RHOBTB1: variants seen among roughly 807,000 people sequenced by gnomAD.
RHOBTB1 encodes the protein rho-related BTB domain-containing protein 1.
RHOBTB1 carries 40 observed loss-of-function variants against 71.6 expected under a neutral mutation model. The observed-to-expected ratio is 0.56, with a 90% CI of 0.43 to 0.73. RHOBTB1 has a LOEUF of 0.73. Ranked by LOEUF, RHOBTB1 falls within the 30% of genes least tolerant of loss-of-function variation. RHOBTB1 has a pLI of 0.00. For synonymous variants in RHOBTB1, 319 were observed against 334.9 expected (o/e 0.95, Z 0.52); for missense variants, 797 against 894.0 (o/e 0.89, Z 1.38).
chr10:60,956,187 C>T (rs536051017), intron 2 of RHOBTB1, among the ~76,000 whole-genome samples: 2 of 152,258 alleles, frequency 1.3e-5, no homozygotes, highest in African/African-American at 4.8e-5. Context: ...GGATTGAATC[C>T]TGTAGGCAAT....
downstream of RHOBTB1, among the ~76,000 whole-genome samples, chr10:60,864,495 C>T (rs2080628799): frequency 1.3e-5 from 2 of 152,226 alleles, no homozygotes; most frequent in South Asian, 4.1e-4. Flanking sequence ...CTTAACATGC[C>T]TGAGACCTTG....
At chr10:60,891,254 A>C (rs1455104247) in intron 5 of RHOBTB1, among the ~76,000 whole-genome samples, 5 of 151,788 alleles carry the variant, frequency 3.3e-5, no homozygotes, top group Non-Finnish European at 4.4e-5. Context: ...GAGCATAAAA[A>C]GTTGTGTCAA....
chr10:60,876,851 A>AT (rs913554131), intron 8 of RHOBTB1, among the ~76,000 whole-genome samples: 6 of 152,134 alleles, frequency 3.9e-5, no homozygotes, highest in African/African-American at 1.4e-4. Flanking sequence ...TTAATCTTTT[A>AT]TTTTTTCTAA....
chr10:60,942,240 AATC>A (rs1470867276), intron 1 of RHOBTB1, among the ~76,000 whole-genome samples: 3 of 152,204 alleles, frequency 2.0e-5, no homozygotes, highest in African/African-American at 7.2e-5. Context: ...TAGACAATAT[AATC>A]ATAATTAAAA....
chr10:60,877,265 C>G (rs2081092181), intron 8 of RHOBTB1: 1 of 152,218 alleles, frequency 6.6e-6, no homozygotes, highest in Non-Finnish European at 1.5e-5. Flanking sequence ...TTGACAATGT[C>G]AGAACATTTT....
chr10:60,910,911 T>G lies in RHOBTB1; in HGVS notation c.272A>C (p.Lys91Thr). The change falls in exon 4 of 11, where the codon AAA becomes ACA. Residue 91 changes from lysine to threonine, a missense_variant. Physicochemically the swap from Lys to Thr is moderately conservative, Grantham distance 78. Around this residue, in one of 2 missense-constraint regions of RHOBTB1, gnomAD observed 139 missense variants for 212.5 expected, o/e 0.65. Transcript: ENST00000337910. ...CCTGCCATATGCAAAGCGTCTGTCT[T>G]TGTGATGATCACCAAAAGTATCCCA... The part of the protein sequence containing the change: ...RLWDTFGDHH[K>T]DRRFAYGRSD... 6.2e-7 allele frequency: 1 copy of G among 1,614,062 alleles called. No homozygotes were observed. The highest frequency in any genetic ancestry group is 1.1e-5 in the South Asian group (1 of 91,064).
intron 2 of RHOBTB1, among the ~76,000 whole-genome samples, chr10:60,975,166 A>G (rs912727985): frequency 7.2e-5 from 11 of 152,124 alleles, no homozygotes; most frequent in Admixed American, 2.0e-4. Context: ...ATATAAATCC[A>G]GGTATATGGG....
At chr10:60,922,165 C>T (rs571508171) in intron 2 of RHOBTB1, among the ~76,000 whole-genome samples, 26 of 152,222 alleles carry the variant, frequency 1.7e-4, no homozygotes, top group East Asian at 3.9e-4. Flanking sequence ...GGATTCTCAG[C>T]GCTTTTTGGT....
intron 2 of RHOBTB1, among the ~76,000 whole-genome samples, chr10:60,933,418 T>C (rs1354964353): frequency 6.6e-6 from 1 of 152,174 alleles, no homozygotes; most frequent in East Asian, 1.9e-4. Context: ...TAGAAAAAGA[T>C]TTCATTTAAA....
At chr10:61,001,827 C>T (rs1230334042), upstream of RHOBTB1, among the ~76,000 whole-genome samples, 1 of 152,240 alleles carries the variant, frequency 6.6e-6, no homozygotes, top group African/African-American at 2.4e-5. Flanking sequence ...CGCTCAGGGC[C>T]CGAGGGGCCG....
At chr10:60,937,635 A>G (rs1352933542) in intron 2 of RHOBTB1, among the ~76,000 whole-genome samples, 7 of 152,242 alleles carry the variant, frequency 4.6e-5, no homozygotes, top group Non-Finnish European at 1.5e-5. Context: ...AAATAATTCA[A>G]TGCAAGTAAA....
chr10:60,971,113 C>A (rs1012335354), intron 2 of RHOBTB1, among the ~76,000 whole-genome samples: 1 of 151,840 alleles, frequency 6.6e-6, no homozygotes, highest in Non-Finnish European at 1.5e-5. Context: ...AACATGAGCA[C>A]CTGAATTTAA....
chr10:60,943,754 T>C (rs578045458), intron 1 of RHOBTB1, among the ~76,000 whole-genome samples: 6 of 152,008 alleles, frequency 3.9e-5, no homozygotes, highest in South Asian at 4.2e-4. Context: ...AGAAATCTCT[T>C]GTGCTTGCCT....
intron 1 of RHOBTB1, among the ~76,000 whole-genome samples, chr10:60,991,365 G>C (rs1281757991): frequency 6.6e-6 from 1 of 151,628 alleles, no homozygotes; most frequent in Non-Finnish European, 1.5e-5. Flanking sequence ...TGGACCTGAT[G>C]ACATCCCCAG....
At chr10:60,944,777 C>T (rs1340259297), upstream of RHOBTB1, among the ~76,000 whole-genome samples, 1 of 152,236 alleles carries the variant, frequency 6.6e-6, no homozygotes, top group Non-Finnish European at 1.5e-5. Context: ...CAGCCTCCTC[C>T]TCCCTGGGCG....
chr10:60,861,135 C>T, the RHOBTB1 span, among the ~76,000 whole-genome samples: 1 of 152,090 alleles, frequency 6.6e-6, no homozygotes, highest in African/African-American at 2.4e-5. Context: ...ACTGACGGAA[C>T]CGGTTACCTC....
At chr10:60,919,532 C>G (rs2083444401) in intron 2 of RHOBTB1, among the ~76,000 whole-genome samples, 2 of 152,144 alleles carry the variant, frequency 1.3e-5, no homozygotes, top group South Asian at 4.2e-4. Flanking sequence ...GCTGGACTTC[C>G]CTGAATCAAA....
Position 60,872,209 on chromosome 10 carries a change from T to G in RHOBTB1, c.1897A>C (p.Lys633Gln), listed in dbSNP as rs745459906. 2 of 1,614,004 alleles carry G rather than the reference T, an allele frequency of 1.2e-6. No individual in the cohort carries two copies. The highest frequency in any genetic ancestry group is 3.3e-5 in the Admixed American group (2 of 60,026). ...NYNSVCSKFR[K>Q]EIKSKSADNQ... ...CCTGCAGATTTTGATTTGATTTCCT[T>G]ACGGAACTTGGAGCATACACTGTTG... Residue 633 changes from lysine to glutamine, a missense_variant, in exon 10 of 11, where the codon AAG (lysine) becomes CAG (glutamine). Lys to Gln is a moderately conservative substitution (Grantham distance 53). Around this residue, in one of 2 missense-constraint regions of RHOBTB1, gnomAD observed 658 missense variants for 681.5 expected, o/e 0.97. Transcript: ENST00000337910.
At chr10:60,885,989 T>A (rs1317131938) in intron 7 of RHOBTB1, 123 bp downstream of exon 7, 1 of 734,878 alleles carries the variant, frequency 1.4e-6, no homozygotes, top group East Asian at 2.5e-5. Flanking sequence ...ACTAACAGTA[T>A]GATGACCACT....
Sources: allele counts gnomAD v4.1 joint callset (sites outside exome capture counted in the v4.1 genomes callset), GRCh38; gene constraint gnomAD v4.1.1; regional missense constraint gnomAD v4.1.1; transcripts MANE v1.5; gene names NCBI Gene and HGNC (gene_info 2026-07-23, HGNC 2026-07-21).